Variants in SLC8A1 observed in about 807,000 individuals in gnomAD.
The protein encoded by SLC8A1 is sodium/calcium exchanger 1.
In SLC8A1, 18 loss-of-function variants were observed where a neutral mutation model predicts 68.3. The ratio of observed to expected loss-of-function variants is 0.26; its 90% CI spans 0.18 to 0.39. The LOEUF is 0.39. Ranked by LOEUF, SLC8A1 falls within the 10% of genes least tolerant of loss-of-function variation. The pLI is 1.00. For synonymous variants in SLC8A1, 475 were observed against 415.5 expected (o/e 1.14, Z -1.74); for missense variants, 985 against 1,156.7 (o/e 0.85, Z 2.15).
chr2:40,308,078 C>T (rs1415874229), intron 2 of SLC8A1, among the ~76,000 whole-genome samples: 1 of 152,094 alleles, frequency 6.6e-6, no homozygotes, highest in African/African-American at 2.4e-5. Context: ...AGTTTTGTTT[C>T]TCAAGCCTAA....
At chr2:40,175,201 G>T in intron 3 of SLC8A1, 60 bp downstream of exon 4, 2 of 1,533,404 alleles carry the variant, frequency 1.3e-6, no homozygotes, top group Non-Finnish European at 9.0e-7. Flanking sequence ...TGTATCACCT[G>T]ACGGAAATGG....
intron 2 of SLC8A1, among the ~76,000 whole-genome samples, chr2:40,240,765 C>A (rs1253244303): frequency 6.6e-6 from 1 of 152,108 alleles, no homozygotes; most frequent in Non-Finnish European, 1.5e-5. Flanking sequence ...GTACTCCCAG[C>A]TACTTAGGAG....
chr2:40,446,621 A>G (rs72798676), intron 1 of SLC8A1: 4 of 152,334 alleles, frequency 2.6e-5, no homozygotes, highest in African/African-American at 4.8e-5. Context: ...CTTGTACTTC[A>G]GCATAGGTGT....
chr2:40,126,321 G>A (rs911160995), intron 7 of SLC8A1, among the ~76,000 whole-genome samples: 1 of 152,164 alleles, frequency 6.6e-6, no homozygotes, highest in African/African-American at 2.4e-5. Flanking sequence ...TTATGTGTGT[G>A]TGTTAAATGC....
chr2:40,448,838 A>G (rs1701916888), intron 1 of SLC8A1, among the ~76,000 whole-genome samples: 1 of 152,200 alleles, frequency 6.6e-6, no homozygotes, highest in East Asian at 1.9e-4. Context: ...GGGCAAAAAC[A>G]AAAAGATAAA....
chr2:40,177,832 A>G, exon 3 of SLC8A1: 1 of 1,550,944 alleles, frequency 6.4e-7, no homozygotes, highest in Non-Finnish European at 8.7e-7. Flanking sequence ...CTCACGGTCA[A>G]ATATTCTAAT....
At chr2:40,164,773 T>A in intron 5 of SLC8A1, 81 bp downstream of exon 8, 1 of 1,550,328 alleles carries the variant, frequency 6.5e-7, no homozygotes, top group Non-Finnish European at 8.8e-7. Flanking sequence ...TCCAGGTGGA[T>A]CTTAAGCTTT....
At position 40,167,911 on chromosome 2, in the gene SLC8A1, G is replaced by A. The variant is rs78243682; in HGVS notation, c.1931-2927C>T. ...TAAACTCACTGAGATAGAACAATAA[G>A]TTTCATTGTGCTTTGAACCATCCTT... On this transcript the variant is annotated intron_variant, in intron 4 of 7. Coordinates refer to ENST00000406785, the Ensembl canonical transcript of SLC8A1. Among the ~76,000 whole-genome samples, 314 of 152,158 alleles carry A rather than the reference G, an allele frequency of 2.1e-3. 1 individual carries two copies. Among genetic ancestry groups the A allele is most frequent in the South Asian group, 7.9e-3 (38 of 4,814 alleles).
chr2:40,190,546 C>A (rs1050844820), intron 2 of SLC8A1: 1 of 152,040 alleles, frequency 6.6e-6, no homozygotes, highest in Non-Finnish European at 1.5e-5. Flanking sequence ...AAGTAAAAAC[C>A]GATGCTGATA....
intron 3 of SLC8A1, 88 bp downstream of exon 4, chr2:40,175,173 T>C (rs2048248617): frequency 6.0e-6 from 8 of 1,327,414 alleles, no homozygotes; most frequent in Admixed American, 5.5e-5. Context: ...TCAAGAGAAA[T>C]AAAAGTCACA....
At chr2:40,125,836 C>CT (rs2037968127) in intron 7 of SLC8A1, among the ~76,000 whole-genome samples, 1 of 152,176 alleles carries the variant, frequency 6.6e-6, no homozygotes, top group Non-Finnish European at 1.5e-5. Context: ...AAATGTTCTC[C>CT]TTTTTCTCTC....
At chr2:40,427,506 C>T (rs1325268461) in intron 2 of SLC8A1, among the ~76,000 whole-genome samples, 1 of 152,004 alleles carries the variant, frequency 6.6e-6, no homozygotes, top group Admixed American at 6.6e-5. Context: ...CTCCCTCTCT[C>T]CCTCCCTCCT....
intron 1 of SLC8A1, among the ~76,000 whole-genome samples, chr2:40,505,941 G>A (rs983636591): frequency 6.6e-6 from 1 of 151,910 alleles, no homozygotes; most frequent in African/African-American, 2.4e-5. Flanking sequence ...AGGTTAGGGA[G>A]CACACCAAAT....
At chr2:40,504,644 GGCA>G (rs1165856377) in intron 1 of SLC8A1, among the ~76,000 whole-genome samples, 1 of 151,930 alleles carries the variant, frequency 6.6e-6, no homozygotes, top group Non-Finnish European at 1.5e-5. Context: ...TTTTAAAAAT[GGCA>G]GCAGATTTGA....
chr2:40,284,671 T>TATATATAC (rs1427915462), intron 2 of SLC8A1, among the ~76,000 whole-genome samples: 2 of 149,770 alleles, frequency 1.3e-5, no homozygotes, highest in Non-Finnish European at 1.5e-5. Context: ...AATATATATA[T>TATATATAC]ACACACACAC....
chr2:40,134,902 A>T (rs1421870921), intron 7 of SLC8A1, among the ~76,000 whole-genome samples: 1 of 152,268 alleles, frequency 6.6e-6, no homozygotes, highest in Non-Finnish European at 1.5e-5. Context: ...TCCAGAATGT[A>T]ATAAATATAG....
At chr2:40,180,293 C>CA (rs1440485331) in intron 2 of SLC8A1, among the ~76,000 whole-genome samples, 2 of 151,900 alleles carry the variant, frequency 1.3e-5, no homozygotes, top group Non-Finnish European at 1.5e-5. Flanking sequence ...CCCTAATATC[C>CA]AAAAATTATA....
chr2:40,163,182 A>G (rs73927142), intron 5 of SLC8A1, among the ~76,000 whole-genome samples: 1,667 of 152,274 alleles, frequency 0.011, 21 homozygotes, highest in African/African-American at 0.038. Flanking sequence ...TCAGATCATT[A>G]TAGTGGTTAC....
Position 40,425,182 on chromosome 2 carries a change from G to A in SLC8A1, c.1808+3291C>T, listed in dbSNP as rs562553547. Among the ~76,000 whole-genome samples, 5 of 151,900 alleles carry A rather than the reference G, an allele frequency of 3.3e-5. No homozygotes were observed. The East Asian group carries it at 9.7e-4, about 29-fold the overall frequency. ...TATCTATTTAATGGGATTTTGCTTT[G>A]TAATTTTAAAATGTTTTGCTGAGAA... On this transcript the variant is annotated intron_variant, in intron 2 of 7. Coordinates refer to ENST00000406785, the Ensembl canonical transcript of SLC8A1.
Sources: allele counts gnomAD v4.1 joint callset (sites outside exome capture counted in the v4.1 genomes callset), GRCh38; gene constraint gnomAD v4.1.1; transcripts MANE v1.5; gene names NCBI Gene and HGNC (gene_info 2026-07-23, HGNC 2026-07-21).